The following YBEY variants were observed in gnomAD, a reference collection of about 807,000 sequenced individuals.
The protein encoded by YBEY is ybeY metalloendoribonuclease, also known as endoribonuclease YbeY.
Under a neutral mutation model 13.5 loss-of-function variants are expected in YBEY, and 15 were observed. The ratio of observed to expected loss-of-function variants is 1.11; its 90% CI spans 0.75 to 1.72. The LOEUF (loss-of-function observed/expected upper bound fraction) is 1.72. Ranked by LOEUF, YBEY falls within the 40% of genes most tolerant of loss-of-function variation. The pLI, the probability that YBEY is intolerant of heterozygous loss-of-function variation, is 0.00. For missense variants in YBEY, 244 were observed against 208.4 expected, an observed-to-expected ratio of 1.17 and a Z score of -1.05; for synonymous variants, 101 against 83.1, an observed-to-expected ratio of 1.21 and a Z score of -1.17.
chr21:46,303,729 ATATATATATATATATATTTTTTTTTT>A, the YBEY span, among the ~76,000 whole-genome samples: 19 of 27,188 alleles, frequency 7.0e-4, no homozygotes, highest in Middle Eastern at 0.017. Flanking sequence ...ATATATATAT[ATATATATATATATATATTTTTTTTTT>A]TTTTTTTTTT....
At chr21:46,302,204 C>T, downstream of YBEY, 1 of 1,434,748 alleles carries the variant, frequency 7.0e-7, no homozygotes, top group Non-Finnish European at 9.1e-7. Context: ...CTGCTCCCCA[C>T]CTCCACTCCC....
Position 46,296,942 on chromosome 21 carries a change from C to T in YBEY, c.409-597C>T, listed in dbSNP as rs138957598. On this transcript the variant is annotated intron_variant, in intron 4 of 4. Transcript: ENST00000397701. ...CCAGGAGGCGGAGGTTGTGGTTAGC[C>T]GAGAGATCGCGTCATTGCACTCCAG... 3.1e-4 allele frequency among the ~76,000 whole-genome samples: 47 copies of T among 149,702 alleles called. 1 individual carries two copies. In the East Asian group the frequency reaches 8.1e-3, roughly 26 times the overall value.
chr21:46,290,982 C>T (rs1298246188), intron 2 of YBEY, among the ~76,000 whole-genome samples: 1 of 147,872 alleles, frequency 6.8e-6, no homozygotes, highest in Non-Finnish European at 1.5e-5. Flanking sequence ...GAGGCGGACA[C>T]TCCAGCCTGG....
chr21:46,300,981 T>A, downstream of YBEY: 1 of 774,124 alleles, frequency 1.3e-6, no homozygotes. Flanking sequence ...CTGAGGGGAG[T>A]GAGCCGCCCT....
At chr21:46,294,328 C>T (rs866018689) in intron 3 of YBEY, among the ~76,000 whole-genome samples, 31 of 92,540 alleles carry the variant, frequency 3.3e-4, no homozygotes, top group Admixed American at 8.8e-4. Context: ...GTGGAGTCAG[C>T]CACGCAAGTT....
downstream of YBEY, among the ~76,000 whole-genome samples, chr21:46,299,532 C>T (rs1418109851): frequency 2.6e-5 from 4 of 152,250 alleles, no homozygotes; most frequent in East Asian, 5.8e-4. Flanking sequence ...CAGAGTCACC[C>T]GGCCCTTCAC....
chr21:46,296,046 G>A, intron 3 of YBEY, 116 bp from the exon 4 acceptor site: 1 of 1,058,408 alleles, frequency 9.4e-7, no homozygotes. Context: ...GGGTCTCACA[G>A]CAACCCTGGG....
At chr21:46,302,098 G>A (rs944083612), downstream of YBEY, 19 of 1,511,594 alleles carry the variant, frequency 1.3e-5, no homozygotes, top group Admixed American at 4.2e-5. Context: ...GGTGGTGCAC[G>A]GCAGGCAGCC....
At chr21:46,296,303 C>T (rs2081950115) in intron 4 of YBEY, 73 bp downstream of exon 4, 9 of 1,574,390 alleles carry the variant, frequency 5.7e-6, no homozygotes, top group Admixed American at 1.7e-5. Context: ...CCTGCCAGCC[C>T]CCACCCTCCA....
downstream of YBEY, chr21:46,302,692 G>A (rs1274155049): frequency 1.2e-5 from 10 of 834,552 alleles, no homozygotes; most frequent in South Asian, 3.3e-5. Flanking sequence ...GCAGGTCCCC[G>A]GGGCAGGCTC....
intron 3 of YBEY, chr21:46,292,019 G>C (rs2081733622): frequency 2.1e-5 from 5 of 233,474 alleles, no homozygotes; most frequent in Non-Finnish European, 2.8e-5. Context: ...GCAGGCAGGG[G>C]CTAGGGAATG....
chr21:46,296,066 C>T (rs576157817), intron 3 of YBEY, 96 bp from the exon 4 acceptor site: 2 of 1,366,742 alleles, frequency 1.5e-6, no homozygotes, highest in African/African-American at 1.4e-5. Flanking sequence ...GGTCCTGCAG[C>T]CACATACCAA....
the YBEY span, chr21:46,311,333 A>G: frequency 2.1e-6 from 1 of 467,004 alleles, no homozygotes; most frequent in Non-Finnish European, 3.9e-6. Context: ...TCTTAAAGTT[A>G]AAATTATTTT....
downstream of YBEY, chr21:46,302,004 G>T: frequency 7.2e-6 from 11 of 1,531,658 alleles, no homozygotes; most frequent in Non-Finnish European, 9.7e-6. Flanking sequence ...CACACTCAGG[G>T]TGGGCCAGGC....
chr21:46,298,075 C>G (rs1190258364), downstream of YBEY, among the ~76,000 whole-genome samples: 2 of 152,242 alleles, frequency 1.3e-5, no homozygotes, highest in African/African-American at 4.8e-5. Context: ...CAGCGCGTCG[C>G]GAGCGCGCTG....
At chr21:46,305,186 C>T in the YBEY span, among the ~76,000 whole-genome samples, 1 of 152,016 alleles carries the variant, frequency 6.6e-6, no homozygotes. Flanking sequence ...TGACGTAGTC[C>T]GACGGGTGGA....
chr21:46,291,152 G>A (rs368510695), intron 2 of YBEY, among the ~76,000 whole-genome samples, 182 bp from the exon 3 acceptor site: 3 of 146,860 alleles, frequency 2.0e-5, no homozygotes, highest in Non-Finnish European at 3.0e-5. Flanking sequence ...AGCCGAGATC[G>A]CGCCATTCCA....
At chr21:46,310,344 TG>T in the YBEY span, among the ~76,000 whole-genome samples, 3 of 151,338 alleles carry the variant, frequency 2.0e-5, no homozygotes, top group Admixed American at 2.0e-4. Flanking sequence ...CTGGGCATGG[TG>T]GTGGGCACCA....
chr21:46,310,127 G>T, the YBEY span, among the ~76,000 whole-genome samples: 1 of 152,188 alleles, frequency 6.6e-6, no homozygotes, highest in South Asian at 2.1e-4. Flanking sequence ...CTTTGGAGGT[G>T]ATGGATATGC....
Sources: allele counts gnomAD v4.1 joint callset (sites outside exome capture counted in the v4.1 genomes callset), GRCh38; gene constraint gnomAD v4.1.1; transcripts MANE v1.5; gene names NCBI Gene and HGNC (gene_info 2026-07-23, HGNC 2026-07-21).